The following TTC17 variants were observed in gnomAD, a reference collection of about 807,000 sequenced individuals.
TTC17 encodes the protein tetratricopeptide repeat domain 17.
TTC17 carries 58 observed loss-of-function variants against 143.8 expected under a neutral mutation model. That is an observed-to-expected ratio of 0.40 (90% CI 0.33 to 0.50). TTC17 has a LOEUF of 0.50. TTC17 is among the 20% of genes least tolerant of loss of function. TTC17 has a pLI of 0.49. For missense variants in TTC17, 1,273 were observed against 1,392.5 expected, an observed-to-expected ratio of 0.91 and a Z score of 1.37; for synonymous variants, 501 against 497.8, an observed-to-expected ratio of 1.01 and a Z score of -0.09.
rs779571709 is a variant in TTC17, at chr11:43,451,222, C to T, written c.2987C>T (p.Ser996Leu). Residue 996 changes from serine to leucine, a missense_variant, in exon 21 of 24, where the codon TCG (serine) becomes TTG (leucine). By Grantham distance (145) the Ser-to-Leu change is moderately radical. Transcript: ENST00000039989. ...GGCAAAGACCAATATCCACAACAGTCGCTTGAACAGATTGGCACCCGAATT... is the reference window on the plus strand; with the variant it reads ...GGCAAAGACCAATATCCACAACAGTTGCTTGAACAGATTGGCACCCGAATT... Reference protein sequence around the residue: ...NLGKDQYPQQSLEQIGTRIAK... With the variant: ...NLGKDQYPQQLLEQIGTRIAK... 2.5e-6 allele frequency: 4 copies of T among 1,613,842 alleles called. No individual in the cohort carries two copies. The highest frequency in any genetic ancestry group is 2.2e-5 in the South Asian group (2 of 91,066).
chr11:43,400,650 C>T (rs372056504), intron 9 of TTC17, among the ~76,000 whole-genome samples: 1 of 152,126 alleles, frequency 6.6e-6, no homozygotes, highest in Non-Finnish European at 1.5e-5. Context: ...TTCTGAAATC[C>T]TCTCCAAAAT....
intron 16 of TTC17, among the ~76,000 whole-genome samples, chr11:43,439,613 T>A (rs113169542): frequency 1.3e-5 from 2 of 151,786 alleles, no homozygotes; most frequent in African/African-American, 4.8e-5. Context: ...GGACTATAGG[T>A]GCCCACCACC....
chr11:43,379,000 G>A (rs960987964), intron 1 of TTC17: 2 of 472,728 alleles, frequency 4.2e-6, no homozygotes, highest in Non-Finnish European at 3.7e-6. Flanking sequence ...GTCAGAATAT[G>A]TACTTTGAAT....
rs1408237336 is a variant in TTC17 at position 43,466,091 on chromosome 11, A to G, written c.3030+14826A>G. ...ACAACTTGTACAAATTAAAAACAAA[A>G]TAACCCAATTAAAAAATATACAAAG... On this transcript the variant is annotated intron_variant, in intron 21 of 23. Coordinates refer to ENST00000039989, the MANE Select transcript of TTC17 (RefSeq NM_018259.6). Among the ~76,000 whole-genome samples, 4 of 152,220 alleles carry G rather than the reference A, an allele frequency of 2.6e-5. No homozygotes were observed. In the South Asian group the frequency reaches 6.2e-4, roughly 24 times the overall value.
At chr11:43,487,238 C>T (rs1186835965) in intron 21 of TTC17, among the ~76,000 whole-genome samples, 11 of 152,088 alleles carry the variant, frequency 7.2e-5, no homozygotes, top group South Asian at 4.1e-4. Context: ...CTCCTCCTCC[C>T]GGGTTCAAGT....
chr11:43,385,524 A>T (rs933669730), intron 2 of TTC17: 1 of 152,166 alleles, frequency 6.6e-6, no homozygotes, highest in African/African-American at 2.4e-5. Context: ...GGAACACTTC[A>T]TTTCAAAAAT....
intron 16 of TTC17, among the ~76,000 whole-genome samples, chr11:43,415,443 AT>A (rs1308573853): frequency 5.9e-5 from 9 of 152,188 alleles, no homozygotes; most frequent in Non-Finnish European, 1.3e-4. Flanking sequence ...AAAATCGTGA[AT>A]TTTAACTCTC....
chr11:43,474,561 C>G (rs1209484652), intron 21 of TTC17, among the ~76,000 whole-genome samples: 3 of 152,052 alleles, frequency 2.0e-5, no homozygotes, highest in Non-Finnish European at 4.4e-5. Context: ...TTAAATGAGC[C>G]TATGTATTCA....
intron 15 of TTC17, among the ~76,000 whole-genome samples, chr11:43,408,085 C>T (rs182475391): frequency 1.3e-5 from 2 of 152,208 alleles, no homozygotes; most frequent in East Asian, 3.9e-4. Flanking sequence ...CTTTGTAGTT[C>T]ATGGTTTTGA....
chr11:43,464,048 G>A (rs898325683), intron 21 of TTC17, among the ~76,000 whole-genome samples: 16 of 152,194 alleles, frequency 1.1e-4, no homozygotes, highest in African/African-American at 3.9e-4. Flanking sequence ...GGCTGAGGCG[G>A]GTGGATCACC....
intron 16 of TTC17, among the ~76,000 whole-genome samples, chr11:43,421,423 G>A (rs976508458): frequency 2.6e-5 from 4 of 152,120 alleles, no homozygotes; most frequent in Non-Finnish European, 2.9e-5. Flanking sequence ...TGGGCTTTTC[G>A]TCTAAGAGAA....
chr11:43,443,908 C>T (rs1947479734), intron 17 of TTC17, 148 bp from the exon 18 acceptor site: 2 of 970,160 alleles, frequency 2.1e-6, no homozygotes, highest in Admixed American at 5.6e-5. Context: ...TTTCACTAAC[C>T]ATTTTTTATT....
chr11:43,382,136 T>TGAA (rs1856993978), intron 2 of TTC17, among the ~76,000 whole-genome samples: 1 of 152,078 alleles, frequency 6.6e-6, no homozygotes, highest in African/African-American at 2.4e-5. Flanking sequence ...CAGAAGACAG[T>TGAA]GAAGGGTAAG....
chr11:43,473,557 C>G (rs1000059042), intron 21 of TTC17, among the ~76,000 whole-genome samples: 1 of 152,152 alleles, frequency 6.6e-6, no homozygotes, highest in African/African-American at 2.4e-5. Flanking sequence ...TGTGGGGAAA[C>G]ACACTGCCAT....
At chr11:43,461,141 T>C (rs995852751) in intron 21 of TTC17, among the ~76,000 whole-genome samples, 4 of 152,124 alleles carry the variant, frequency 2.6e-5, no homozygotes, top group Admixed American at 2.6e-4. Context: ...TCCCAGCACT[T>C]TGGGAGGCCG....
chr11:43,420,334 G>T (rs1016762407), intron 16 of TTC17, among the ~76,000 whole-genome samples: 5 of 152,070 alleles, frequency 3.3e-5, no homozygotes, highest in Non-Finnish European at 5.9e-5. Flanking sequence ...GTAGATACCT[G>T]GGACATTTTA....
intron 21 of TTC17, among the ~76,000 whole-genome samples, chr11:43,453,864 A>T (rs1023497679): frequency 5.3e-5 from 8 of 152,224 alleles, no homozygotes; most frequent in African/African-American, 1.7e-4. Flanking sequence ...AGCCTTTTTT[A>T]AATGTGTTCA....
At chr11:43,461,851 A>G (rs1386595590) in intron 21 of TTC17, among the ~76,000 whole-genome samples, 1 of 152,242 alleles carries the variant, frequency 6.6e-6, no homozygotes, top group Non-Finnish European at 1.5e-5. Flanking sequence ...ATTGGCCTTA[A>G]TAAGTAAAAA....
intron 16 of TTC17, among the ~76,000 whole-genome samples, chr11:43,425,657 A>G (rs1414362539): frequency 6.6e-6 from 1 of 152,152 alleles, no homozygotes; most frequent in Non-Finnish European, 1.5e-5. Flanking sequence ...ATATGTGTAC[A>G]TGTGTATGCT....
Sources: allele counts gnomAD v4.1 joint callset (sites outside exome capture counted in the v4.1 genomes callset), GRCh38; gene constraint gnomAD v4.1.1; transcripts MANE v1.5; gene names NCBI Gene and HGNC (gene_info 2026-07-23, HGNC 2026-07-21).